The following LYRM4 variants were observed in gnomAD, a reference collection of about 807,000 sequenced individuals.
The protein encoded by LYRM4 is LYR motif containing 4.
LYRM4 carries 9 observed loss-of-function variants against 11.7 expected under a neutral mutation model. The observed-to-expected ratio is 0.77, with a 90% CI of 0.46 to 1.34. LYRM4 has a LOEUF of 1.34. LYRM4 is among the 40% of genes most tolerant of loss of function. The pLI, the probability that LYRM4 is intolerant of heterozygous loss-of-function variation, is 0.00. For synonymous variants in LYRM4, 42 were observed against 40.4 expected (o/e 1.04, Z -0.15); for missense variants, 133 against 112.5 (o/e 1.18, Z -0.82).
At chr6:5,163,572 C>T (rs1167383485) in intron 2 of LYRM4, among the ~76,000 whole-genome samples, 2 of 150,222 alleles carry the variant, frequency 1.3e-5, no homozygotes, top group African/African-American at 4.9e-5. Flanking sequence ...TTTGAATGAG[C>T]GTCTCAGTTT....
chr6:5,061,970 C>T, the LYRM4 span, among the ~76,000 whole-genome samples: 1 of 152,120 alleles, frequency 6.6e-6, no homozygotes, highest in Non-Finnish European at 1.5e-5. Context: ...CGTACCACCT[C>T]CACAATAGCG....
At chr6:5,112,951 A>G in intron 2 of LYRM4, 1 of 162,518 alleles carries the variant, frequency 6.2e-6, no homozygotes, top group Non-Finnish European at 1.3e-5. Context: ...AGAGAGAATA[A>G]AAGAGAAGTG....
chr6:5,109,282 A>C lies in LYRM4; in HGVS notation c.*141T>G. The C allele has an allele frequency of 6.6e-7, 1 of 1,526,508 alleles. No homozygotes were observed. The highest frequency in any genetic ancestry group is 8.8e-7 in the Non-Finnish European group (1 of 1,135,000). The allele number at this position is 1,526,508 out of a possible 1,614,324, so 94.6% of individuals were successfully genotyped here. A position where few individuals can be genotyped will look rare whatever the true frequency, so the allele number is the denominator to read the frequency against. ...TTCACTAAGCCTGCAACAGAATGCA[A>C]ATGTGACTTGGTTTATCAGCTCCCA... On this transcript the variant is annotated 3_prime_UTR_variant, in exon 3 of 3. Coordinates refer to ENST00000330636, the MANE Select transcript of LYRM4 (RefSeq NM_020408.6).
intron 2 of LYRM4, chr6:5,136,568 T>C: frequency 2.1e-6 from 2 of 975,178 alleles, no homozygotes; most frequent in Non-Finnish European, 2.4e-6. Context: ...GTATTTATAA[T>C]GTCTTACTAC....
chr6:5,066,952 G>T, the LYRM4 span: 2 of 1,072,160 alleles, frequency 1.9e-6, no homozygotes, highest in South Asian at 5.4e-5. Flanking sequence ...AGCCTCAGCC[G>T]AGGAGGAAAT....
chr6:5,124,099 A>G lies in LYRM4; in HGVS notation c.208-14608T>C, dbSNP rs906884907. Among the ~76,000 whole-genome samples the G allele has an allele frequency of 2.6e-5, 4 of 152,156 alleles. No homozygotes were observed. In the South Asian group the frequency reaches 6.2e-4, roughly 24 times the overall value. On this transcript the variant is annotated intron_variant, in intron 2 of 2. Transcript: ENST00000330636. Reference sequence around the variant, plus strand: ...CTCTCTCTTAGCAAGCTCACCTCCCAGGTCCCTGGGGCTGTCTTAGGGCCT... The same window carrying G: ...CTCTCTCTTAGCAAGCTCACCTCCCGGGTCCCTGGGGCTGTCTTAGGGCCT...
chr6:5,102,503 TGTTTC>T (rs1228298356), downstream of LYRM4: 1 of 152,214 alleles, frequency 6.6e-6, no homozygotes, highest in Admixed American at 6.5e-5. Context: ...TCTAGTGAAA[TGTTTC>T]AACAATATTT....
At chr6:5,247,676 C>T (rs868530908) in intron 1 of LYRM4, among the ~76,000 whole-genome samples, 1 of 152,086 alleles carries the variant, frequency 6.6e-6, no homozygotes, top group Non-Finnish European at 1.5e-5. Context: ...TTGGAATAAA[C>T]TAGGCCAAAG....
intron 2 of LYRM4, among the ~76,000 whole-genome samples, chr6:5,216,077 AC>A (rs1762257312): frequency 6.6e-6 from 1 of 152,168 alleles, no homozygotes; most frequent in African/African-American, 2.4e-5. Context: ...TGGCACTTCC[AC>A]AAAACGAAAA....
the LYRM4 span, among the ~76,000 whole-genome samples, chr6:5,062,756 G>C: frequency 3.3e-5 from 5 of 152,176 alleles, no homozygotes; most frequent in African/African-American, 1.2e-4. Flanking sequence ...ACTTCTCTGT[G>C]CAAGTGGTCC....
chr6:5,123,668 G>A (rs567633299), intron 2 of LYRM4, among the ~76,000 whole-genome samples: 2 of 152,346 alleles, frequency 1.3e-5, no homozygotes, highest in East Asian at 1.9e-4. Flanking sequence ...CATCTGGCCT[G>A]GTAGGCCACT....
chr6:5,130,150 C>G (rs536962324), intron 2 of LYRM4, among the ~76,000 whole-genome samples: 64 of 152,340 alleles, frequency 4.2e-4, no homozygotes, highest in African/African-American at 1.4e-3. Context: ...CACCCCAGCG[C>G]TGGGGGAGAC....
chr6:5,114,693 T>C (rs1009376115), intron 2 of LYRM4, among the ~76,000 whole-genome samples: 2 of 152,044 alleles, frequency 1.3e-5, no homozygotes, highest in African/African-American at 4.8e-5. Flanking sequence ...AAGAATTGTC[T>C]TGGGCCACAC....
Position 5,245,114 on chromosome 6 carries a change from ATATATATATATATATATATATATATAT to A in LYRM4, c.86+15507_86+15533del, listed in dbSNP as rs1287831125. On this transcript the variant is annotated intron_variant, in intron 1 of 2. Transcript: ENST00000330636. ...TAAAAAAAAAAAAAAAAAAAAAAAA[ATATATATATATATATATATATATATAT>A]ATATATATATATATATATATATAAA... is the stretch of plus-strand genomic sequence containing the variant. Among the ~76,000 whole-genome samples the A allele has an allele frequency of 4.0e-3, 48 of 12,032 alleles. 2 individuals carry two copies. Among genetic ancestry groups the A allele is most frequent in the African/African-American group, 0.012 (39 of 3,294 alleles). 7.9% of individuals were successfully genotyped at this position (12,032 alleles called of 152,430 possible).
intron 1 of LYRM4, among the ~76,000 whole-genome samples, chr6:5,258,259 T>C (rs752307118): frequency 1.1e-4 from 17 of 152,226 alleles, no homozygotes; most frequent in Admixed American, 6.5e-4. Flanking sequence ...AGTATTTATT[T>C]CACTACTCTA....
At chr6:5,085,895 C>A in the LYRM4 span, 1 of 1,531,772 alleles carries the variant, frequency 6.5e-7, no homozygotes, top group Non-Finnish European at 8.7e-7. Flanking sequence ...TTCGCGGACA[C>A]GCTGGGGCTA....
chr6:5,100,519 A>G (rs562656628), downstream of LYRM4, among the ~76,000 whole-genome samples: 69 of 151,722 alleles, frequency 4.5e-4, 1 homozygote, highest in Non-Finnish European at 1.0e-4. Context: ...TAGTTCTAAG[A>G]GAAAGTACTT....
chr6:5,097,114 G>C, the LYRM4 span, among the ~76,000 whole-genome samples: 1 of 152,250 alleles, frequency 6.6e-6, no homozygotes. Context: ...AGTCCAAGGT[G>C]AAGGAGCTGC....
intron 2 of LYRM4, among the ~76,000 whole-genome samples, chr6:5,202,205 T>A (rs771775300): frequency 1.2e-4 from 18 of 152,262 alleles, no homozygotes; most frequent in Admixed American, 6.5e-5. Context: ...AACATTACTA[T>A]ATATGATCTT....
Sources: allele counts gnomAD v4.1 joint callset (sites outside exome capture counted in the v4.1 genomes callset), GRCh38; gene constraint gnomAD v4.1.1; transcripts MANE v1.5; gene names NCBI Gene and HGNC (gene_info 2026-07-23, HGNC 2026-07-21).